SLC22A14: variants seen among roughly 807,000 people sequenced by gnomAD.
The protein encoded by SLC22A14 is solute carrier family 22 member 14.
Under a neutral mutation model 53.9 loss-of-function variants are expected in SLC22A14, and 50 were observed. The observed-to-expected ratio is 0.93, with a 90% CI of 0.74 to 1.17. The LOEUF (loss-of-function observed/expected upper bound fraction) is 1.17, where lower values mean the gene tolerates loss of function less well. Among genes scored for constraint, SLC22A14 ranks in the 50% most tolerant of loss-of-function variants. SLC22A14 has a pLI of 0.00. For missense variants in SLC22A14, 671 were observed against 734.7 expected (o/e 0.91, Z 1.00); for synonymous variants, 312 against 303.0 (o/e 1.03, Z -0.31).
intron 1 of SLC22A14, among the ~76,000 whole-genome samples, chr3:38,284,756 TA>T (rs58028334): frequency 0.086 from 12,493 of 145,134 alleles, 612 homozygotes; most frequent in East Asian, 0.16. Context: ...CCCACAAAAT[TA>T]AAAAAAAAAA....
In SLC22A14 at chr3:38,307,457, G is replaced by C. The variant is rs1232803326; in HGVS notation, c.620+100G>C. 15 of 1,538,046 alleles carry C rather than the reference G, an allele frequency of 9.8e-6. No individual in the cohort carries two copies. Among genetic ancestry groups the C allele is most frequent in the Non-Finnish European group, 9.0e-6 (10 of 1,113,476 alleles). ...GTCAGGCTGAGGGAGGTGAGGGTAG[G>C]GGTTCTCCAGGGACCCATGGATGGC... On this transcript the variant is annotated intron_variant, in intron 3 of 10. Transcript: ENST00000448498. The surrounding 1 kb of genome is among the most constrained non-coding windows in gnomAD (Gnocchi z 4.4).
intron 1 of SLC22A14, among the ~76,000 whole-genome samples, chr3:38,284,584 AAGG>A: frequency 6.6e-6 from 1 of 152,168 alleles, no homozygotes; most frequent in East Asian, 1.9e-4. Context: ...AGAACTTAGA[AAGG>A]AGGCCTCCGC....
intron 1 of SLC22A14, among the ~76,000 whole-genome samples, 152 bp downstream of exon 1, chr3:38,282,491 G>T (rs1346862827): frequency 6.6e-6 from 1 of 152,176 alleles, no homozygotes; most frequent in Non-Finnish European, 1.5e-5. Context: ...TTTGGCTGTG[G>T]GGAATCTGTG....
intron 1 of SLC22A14, among the ~76,000 whole-genome samples, chr3:38,299,112 G>C (rs9838244): frequency 6.6e-6 from 1 of 152,128 alleles, no homozygotes; most frequent in African/African-American, 2.4e-5. Context: ...CTTCAATGCA[G>C]TTATGATGTT....
intron 8 of SLC22A14, 25 bp downstream of exon 8, chr3:38,313,966 C>T (rs1280289704): frequency 1.9e-6 from 3 of 1,589,034 alleles, no homozygotes; most frequent in Non-Finnish European, 2.6e-6. Flanking sequence ...TCCCCTGTGG[C>T]CTGCCCACAG....
chr3:38,306,360 A>G lies in SLC22A14; in HGVS notation c.334A>G (p.Lys112Glu), dbSNP rs2073714. Reference protein sequence around the residue: ...WILAVGPHLSKAEQLNLTIPQ... With the variant: ...WILAVGPHLSEAEQLNLTIPQ... Reference sequence around the variant, plus strand: ...CCTGGCAGTGGGCCCCCACCTGTCCAAAGCTGAGCAGCTGAATCTGACCAT... The same window carrying G: ...CCTGGCAGTGGGCCCCCACCTGTCCGAAGCTGAGCAGCTGAATCTGACCAT... The change falls in exon 2 of 11, where the codon AAA becomes GAA. Residue 112 changes from lysine (K) to glutamate (E), a missense_variant. Physicochemically the swap from Lys to Glu is moderately conservative, Grantham distance 56 (BLOSUM62 1). Coordinates refer to ENST00000448498, the MANE Select transcript of SLC22A14 (RefSeq NM_001320033.2). The G allele has an allele frequency of 0.054, 86,484 of 1,614,074 alleles. 2,808 individuals carry two copies. The highest frequency in any genetic ancestry group is 0.15 in the East Asian group (6,606 of 44,868).
chr3:38,294,544 A>G (rs1271935370), intron 1 of SLC22A14, among the ~76,000 whole-genome samples: 2 of 152,000 alleles, frequency 1.3e-5, no homozygotes, highest in East Asian at 3.9e-4. Context: ...CTTGGGGGGA[A>G]TGCTTCCCAT....
intron 1 of SLC22A14, among the ~76,000 whole-genome samples, chr3:38,302,504 A>G (rs1034754171): frequency 6.6e-6 from 1 of 151,880 alleles, no homozygotes; most frequent in Non-Finnish European, 1.5e-5. Context: ...AAAAAATATA[A>G]AAATTAGCCA....
rs1272065823 is a variant in SLC22A14, at chr3:38,307,162, C to A, written c.517-92C>A. Reference sequence around the variant, plus strand: ...ACTGTTAACTGCCCCTACCCCAGGTCCCCTTGGCCTATAGGTCCCACGCTG... The same window carrying A: ...ACTGTTAACTGCCCCTACCCCAGGTACCCTTGGCCTATAGGTCCCACGCTG... On this transcript the variant is annotated intron_variant, in intron 2 of 10. Coordinates refer to ENST00000448498, the MANE Select transcript of SLC22A14 (RefSeq NM_001320033.2). The surrounding 1 kb of genome is among the most constrained non-coding windows in gnomAD (Gnocchi z 4.4). 3.5e-6 allele frequency: 3 copies of A among 860,056 alleles called. No homozygotes were observed. The highest frequency in any genetic ancestry group is 6.1e-6 in the Non-Finnish European group (3 of 493,284). The allele number at this position is 860,056 out of a possible 1,614,324, so 53.3% of individuals were successfully genotyped here.
chr3:38,287,880 A>G lies in SLC22A14; in HGVS notation c.-1+5541A>G, dbSNP rs551291170. Among the ~76,000 whole-genome samples, 8 of 152,264 alleles carry G rather than the reference A, an allele frequency of 5.3e-5. No individual in the cohort carries two copies. The East Asian group carries it at 1.5e-3, about 29-fold the overall frequency. On this transcript the variant is annotated intron_variant, in intron 1 of 10. Transcript: ENST00000448498. Reference sequence around the variant, plus strand: ...TTCTTCATATATTTCTGTATGTTTTATCATTATTTTACACATAGGTCTTGT... The same window carrying G: ...TTCTTCATATATTTCTGTATGTTTTGTCATTATTTTACACATAGGTCTTGT...
chr3:38,298,852 G>C (rs1026408035), intron 1 of SLC22A14, among the ~76,000 whole-genome samples: 1 of 152,150 alleles, frequency 6.6e-6, no homozygotes, highest in African/African-American at 2.4e-5. Flanking sequence ...ACTGTTCCCA[G>C]CTTCCCCTGT....
intron 8 of SLC22A14, 67 bp downstream of exon 8, chr3:38,314,008 C>A: frequency 7.0e-7 from 1 of 1,422,388 alleles, no homozygotes; most frequent in Non-Finnish European, 9.8e-7. Context: ...CTCCCCAGTG[C>A]CGCCTGCCAC....
upstream of SLC22A14, among the ~76,000 whole-genome samples, chr3:38,280,174 C>T (rs1037640231): frequency 5.9e-5 from 9 of 152,192 alleles, no homozygotes; most frequent in Non-Finnish European, 1.0e-4. Context: ...TTCCAGGCCT[C>T]CTCTTTCCTT....
chr3:38,295,936 A>T (rs1704027198), intron 1 of SLC22A14, among the ~76,000 whole-genome samples: 1 of 152,170 alleles, frequency 6.6e-6, no homozygotes, highest in African/African-American at 2.4e-5. Flanking sequence ...ATCAGGAGGG[A>T]CACCAGGGAC....
At chr3:38,284,804 C>T (rs982525956) in intron 1 of SLC22A14, among the ~76,000 whole-genome samples, 3 of 151,950 alleles carry the variant, frequency 2.0e-5, no homozygotes, top group Non-Finnish European at 2.9e-5. Context: ...CATCATACTA[C>T]GAAATGACCG....
chr3:38,311,610 C>T (rs560072459), intron 5 of SLC22A14, among the ~76,000 whole-genome samples: 27 of 149,298 alleles, frequency 1.8e-4, no homozygotes, highest in Non-Finnish European at 3.4e-4. Context: ...CAACACTTTG[C>T]TTAGGGACTT....
chr3:38,289,802 C>T (rs552507300), intron 1 of SLC22A14, among the ~76,000 whole-genome samples: 8 of 152,272 alleles, frequency 5.3e-5, no homozygotes, highest in South Asian at 4.1e-4. Context: ...CAGTGGTGGA[C>T]GGCAAGCGAA....
In SLC22A14 at chr3:38,318,296, G is replaced by A. The variant is rs1458196602; in HGVS notation, c.*47G>A. 1 of 1,540,340 alleles carries A rather than the reference G, an allele frequency of 6.5e-7. No homozygotes were observed. Among genetic ancestry groups the A allele is most frequent in the East Asian group, 2.2e-5 (1 of 44,566 alleles). ...TCTCAATGCCCAGATCCTGAGATTG[G>A]ACCCATACCCTGTCTCCAACCCTGC... On this transcript the variant is annotated 3_prime_UTR_variant, in exon 11 of 11. Coordinates refer to ENST00000448498, the MANE Select transcript of SLC22A14 (RefSeq NM_001320033.2).
At chr3:38,312,047 G>A (rs796356874) in intron 5 of SLC22A14, among the ~76,000 whole-genome samples, 1 of 152,226 alleles carries the variant, frequency 6.6e-6, no homozygotes, top group Non-Finnish European at 1.5e-5. Context: ...GAGAGGAGGA[G>A]CAGGGCAGGT....
Sources: gnomAD v4.1 joint callset for allele counts (sites outside exome capture counted in the v4.1 genomes callset) on GRCh38, gnomAD v4.1.1 for gene constraint, Gnocchi (gnomAD v3.1) non-coding constraint, MANE v1.5 for transcripts, NCBI Gene and HGNC (gene_info 2026-07-23, HGNC 2026-07-21) for gene names.